NDE1: variants seen among roughly 807,000 people sequenced by gnomAD.
NDE1 encodes the protein nuclear distribution protein nudE homolog 1.
NDE1 carries 28 observed loss-of-function variants against 43.4 expected under a neutral mutation model. The observed-to-expected ratio is 0.65, with a 90% CI of 0.48 to 0.89. The LOEUF (loss-of-function observed/expected upper bound fraction) is 0.89. NDE1 is among the 40% of genes least tolerant of loss of function. NDE1 has a pLI of 0.00. For synonymous variants in NDE1, 184 were observed against 172.0 expected (o/e 1.07, Z -0.55); for missense variants, 441 against 434.1 (o/e 1.02, Z -0.14).
intron 4 of NDE1, among the ~76,000 whole-genome samples, chr16:15,682,700 C>T (rs181552397): frequency 5.9e-5 from 9 of 152,128 alleles, no homozygotes; most frequent in Non-Finnish European, 1.0e-4. Context: ...TCTAGTTTTA[C>T]TCTTTTCATA....
chr16:15,691,290 T>G lies in NDE1; in HGVS notation c.670T>G (p.Ser224Ala), dbSNP rs768019729. Reference protein sequence around the residue: ...STPIAHRGPSSSLNTPGSFRR... With the variant: ...STPIAHRGPSASLNTPGSFRR... ...GCCCATTGCTCACCGAGGACCCAGC[T>G]CAAGTTTAAACACACCTGGGAGCTT... Residue 224 changes from serine (S) to alanine (A), a missense_variant, in exon 6 of 9, where the codon TCA becomes GCA. Transcript: ENST00000396354. 5 of 1,613,960 alleles carry G rather than the reference T, an allele frequency of 3.1e-6. No individual in the cohort carries two copies. In the East Asian group the frequency reaches 1.1e-4, roughly 36 times the overall value.
intron 2 of NDE1, among the ~76,000 whole-genome samples, chr16:15,665,374 G>T (rs1168937571): frequency 6.6e-6 from 1 of 152,066 alleles, no homozygotes; most frequent in Non-Finnish European, 1.5e-5. Context: ...AGCAGAGCTG[G>T]AATTTGAACT....
chr16:15,673,780 G>A (rs2037722724), intron 3 of NDE1, among the ~76,000 whole-genome samples: 1 of 152,068 alleles, frequency 6.6e-6, no homozygotes, highest in Non-Finnish European at 1.5e-5. Flanking sequence ...CTGGGATTGC[G>A]GCATGAGGCA....
chr16:15,716,072 G>C (rs1237355795), intron 8 of NDE1, among the ~76,000 whole-genome samples: 1 of 152,104 alleles, frequency 6.6e-6, no homozygotes, highest in Non-Finnish European at 1.5e-5. Flanking sequence ...CTGCACACCA[G>C]CCTGGGAAAC....
chr16:15,679,356 A>G (rs1420233331), intron 4 of NDE1, among the ~76,000 whole-genome samples: 1 of 152,082 alleles, frequency 6.6e-6, no homozygotes, highest in African/African-American at 2.4e-5. Flanking sequence ...GACGCCATCT[A>G]TACACATAAC....
At position 15,691,284 on chromosome 16, in the gene NDE1, C is replaced by G. The variant is rs779665175; in HGVS notation, c.664C>G (p.Pro222Ala). Residue 222 changes from proline (P) to alanine (A), a missense_variant, in exon 6 of 9, where the codon CCC becomes GCC. Transcript: ENST00000396354. The stretch of plus-strand genomic sequence containing the variant: ...GTCCACGCCCATTGCTCACCGAGGA[C>G]CCAGCTCAAGTTTAAACACACCTGG... ...VPSTPIAHRG[P>A]SSSLNTPGSF... The G allele has an allele frequency of 3.1e-6, 5 of 1,614,000 alleles. No individual in the cohort carries two copies. In the African/African-American group the frequency reaches 6.7e-5, roughly 22 times the overall value.
chr16:15,708,848 CAG>C lies in NDE1; in HGVS notation c.947+11996_947+11997del, dbSNP rs747642850. Reference sequence around the variant, plus strand: ...TTCCTGTGGGGGGGGCCCTCTGAAACAGAGAGAGAATCCCCGGAGGTTACCAT... The same window carrying C: ...TTCCTGTGGGGGGGGCCCTCTGAAACAGAGAGAATCCCCGGAGGTTACCAT... On this transcript the variant is annotated intron_variant, in intron 8 of 8. Coordinates refer to ENST00000396354, the MANE Select transcript of NDE1 (RefSeq NM_017668.3). 186 of 1,609,584 alleles carry C rather than the reference CAG, an allele frequency of 1.2e-4. No homozygotes were observed. Among genetic ancestry groups the C allele is most frequent in the South Asian group, 5.2e-4 (47 of 89,800 alleles).
At chr16:15,702,514 C>G (rs1039892893) in intron 8 of NDE1, among the ~76,000 whole-genome samples, 1 of 151,854 alleles carries the variant, frequency 6.6e-6, no homozygotes, top group Non-Finnish European at 1.5e-5. Context: ...CTTAGCCTTC[C>G]AAGAGGTTGG....
intron 8 of NDE1, among the ~76,000 whole-genome samples, chr16:15,705,114 A>T (rs1035121430): frequency 1.3e-5 from 2 of 152,102 alleles, no homozygotes; most frequent in African/African-American, 4.8e-5. Flanking sequence ...AGTAGCTGGG[A>T]CTACATGCAC....
chr16:15,710,614 C>T (rs183835789), intron 8 of NDE1, among the ~76,000 whole-genome samples: 53 of 151,968 alleles, frequency 3.5e-4, no homozygotes, highest in Middle Eastern at 3.4e-3. Context: ...GTATCCCCAT[C>T]GCTCAGCCCA....
Position 15,697,072 on chromosome 16 carries a change from A to G in NDE1, c.947+212A>G. Reference sequence around the variant, plus strand: ...GAGAGAGGGTCTTGTTTTGTGAGACAGGGTCTCACTCTGTCACCTAGGCTA... The same window carrying G: ...GAGAGAGGGTCTTGTTTTGTGAGACGGGGTCTCACTCTGTCACCTAGGCTA... On this transcript the variant is annotated intron_variant, in intron 8 of 8. Coordinates refer to ENST00000396354, the MANE Select transcript of NDE1 (RefSeq NM_017668.3). 1.3e-5 allele frequency: 19 copies of G among 1,478,820 alleles called. No homozygotes were observed. In the South Asian group the frequency reaches 2.1e-4, roughly 17 times the overall value. The allele number at this position is 1,478,820 out of a possible 1,614,324, so 91.6% of individuals were successfully genotyped here.
At chr16:15,717,134 G>C in intron 8 of NDE1, 3 of 1,614,066 alleles carry the variant, frequency 1.9e-6, no homozygotes, top group Non-Finnish European at 2.5e-6. Flanking sequence ...CTCCACACCC[G>C]CATACCTGGC....
intron 6 of NDE1, among the ~76,000 whole-genome samples, chr16:15,693,519 G>C (rs1258693235): frequency 6.6e-6 from 1 of 152,162 alleles, no homozygotes; most frequent in Non-Finnish European, 1.5e-5. Context: ...GACTAATGTG[G>C]CTGGGCACGG....
rs1333238405 is a variant in NDE1 at position 15,667,282 on chromosome 16, G to A, written c.84-4G>A. ...CTACGTGATGATTAACAATTTTGCT[G>A]TAGGGCAGAAAATACGCAAGAGGAA... On this transcript the variant is annotated splice_polypyrimidine_tract_variant and splice_region_variant and intron_variant, in intron 2 of 8. Transcript: ENST00000396354. 2 of 1,614,140 alleles carry A rather than the reference G, an allele frequency of 1.2e-6. No homozygotes were observed. Among genetic ancestry groups the A allele is most frequent in the African/African-American group, 1.3e-5 (1 of 75,042 alleles).
At chr16:15,701,689 T>G (rs2039226800) in intron 8 of NDE1, 1 of 152,162 alleles carries the variant, frequency 6.6e-6, no homozygotes, top group East Asian at 1.9e-4. Flanking sequence ...CACACTAATT[T>G]CTGGAGTGTG....
intron 1 of NDE1, chr16:15,651,672 A>G (rs1596537930): frequency 6.6e-6 from 1 of 151,994 alleles, no homozygotes; most frequent in East Asian, 2.0e-4. Context: ...CGATTTCCTG[A>G]CCTCGTGATC....
At position 15,720,982 on chromosome 16, in the gene NDE1, C is replaced by T. The variant is rs751716762; in HGVS notation, c.948-3209C>T. ...GTGGCTTGCAGCTCGTCCTCCAGCT[C>T]TTCCAGCTGCGTCTTCATCTCCTCC... On this transcript the variant is annotated intron_variant, in intron 8 of 8. Transcript: ENST00000396354. 30 of 1,614,040 alleles carry T rather than the reference C, an allele frequency of 1.9e-5. No individual in the cohort carries two copies. The Admixed American group carries it at 5.0e-4, about 27-fold the overall frequency.
chr16:15,671,908 G>A (rs1362593075), intron 3 of NDE1, among the ~76,000 whole-genome samples: 1 of 151,814 alleles, frequency 6.6e-6, no homozygotes, highest in East Asian at 1.9e-4. Flanking sequence ...TGCTAGTCTG[G>A]GACTCCTGAG....
chr16:15,650,327 G>A (rs1357731264), intron 1 of NDE1, 33 bp downstream of exon 1: 4 of 248,162 alleles, frequency 1.6e-5, no homozygotes, highest in Admixed American at 5.6e-5. Flanking sequence ...CTGGGGTCGG[G>A]GTGGCTGTCC....
Sources: gnomAD v4.1 joint callset for allele counts (sites outside exome capture counted in the v4.1 genomes callset) on GRCh38, gnomAD v4.1.1 for gene constraint, MANE v1.5 for transcripts, NCBI Gene and HGNC (gene_info 2026-07-23, HGNC 2026-07-21) for gene names.